DENND5A: variants seen among roughly 807,000 people sequenced by gnomAD.
DENND5A encodes DENN domain-containing protein 5A.
In DENND5A, 64 loss-of-function variants were observed where a neutral mutation model predicts 140.3. The ratio of observed to expected loss-of-function variants is 0.46; its 90% CI spans 0.37 to 0.56. DENND5A has a LOEUF of 0.56. DENND5A is among the 20% of genes least tolerant of loss of function. The pLI is 0.00. For synonymous variants in DENND5A, 605 were observed against 607.7 expected (o/e 1.00, Z 0.07); for missense variants, 1,292 against 1,593.8 (o/e 0.81, Z 3.22).
At position 9,265,166 on chromosome 11, in the gene DENND5A, G is replaced by T; in HGVS notation, c.-97C>A. The stretch of plus-strand genomic sequence containing the variant: ...CCGCCCTCAGGCCGCCCCTCCCGCC[G>T]CCGCCGCTACCGCGGCTCGGGCCGC... On this transcript the variant is annotated 5_prime_UTR_variant, in exon 1 of 23. Transcript: ENST00000328194. The surrounding 1 kb of genome is among the most constrained non-coding windows in gnomAD (Gnocchi z 4.7). The T allele has an allele frequency of 1.6e-6, 1 of 644,230 alleles. No individual in the cohort carries two copies. Among genetic ancestry groups the T allele is most frequent in the Non-Finnish European group, 1.9e-6 (1 of 515,890 alleles). The allele number at this position is 644,230 out of a possible 1,614,324, so 39.9% of individuals were successfully genotyped here.
rs774059113 is a variant in DENND5A at position 9,204,115 on chromosome 11, T to C, written c.494A>G (p.His165Arg). Residue 165 changes from histidine to arginine, a missense_variant, in exon 4 of 23, where the codon CAT (histidine) becomes CGT (arginine). Physicochemically the swap from His to Arg is conservative, Grantham distance 29. Coordinates refer to ENST00000328194, the MANE Select transcript of DENND5A (RefSeq NM_015213.4). The part of the protein sequence containing the change: ...HMHNAEYDVL[H>R]APPADDRDQS... ...GTCTCTGTCATCAGCAGGGGGAGCA[T>C]GTAGGACATCATACTCAGCATTGTG... The C allele has an allele frequency of 1.2e-6, 2 of 1,614,146 alleles. No homozygotes were observed. The highest frequency in any genetic ancestry group is 1.7e-6 in the Non-Finnish European group (2 of 1,179,998).
chr11:9,145,708 T>C lies in DENND5A; in HGVS notation c.2965A>G (p.Met989Val), dbSNP rs1358584298. The change falls in exon 17 of 23, where the codon ATG (methionine) becomes GTG (valine). Residue 989 changes from methionine (M) to valine (V), a missense_variant. By Grantham distance (21) the Met-to-Val change is conservative. Around this residue, in one of 4 missense-constraint regions of DENND5A, gnomAD observed 498 missense variants for 689.7 expected, o/e 0.72. Transcript: ENST00000328194. ...ISGELGETQI[M>V]QIPRNVLEMT... is the part of the protein sequence containing the mutation. The stretch of plus-strand genomic sequence containing the variant: ...TCTAGCACATTCCTGGGAATCTGCA[T>C]GATCTGTGTCTCACCCAATTCTCCT... 3.7e-6 allele frequency: 6 copies of C among 1,614,086 alleles called. No individual in the cohort carries two copies. The highest frequency in any genetic ancestry group is 5.1e-6 in the Non-Finnish European group (6 of 1,180,026).
At chr11:9,144,785 T>C (rs1301721381) in intron 18 of DENND5A, among the ~76,000 whole-genome samples, 2 of 143,620 alleles carry the variant, frequency 1.4e-5, no homozygotes, top group African/African-American at 5.2e-5. Context: ...CAAGACTCCG[T>C]CTCAAAAAAA....
At chr11:9,156,842 AG>A (rs1288545987) in intron 12 of DENND5A, among the ~76,000 whole-genome samples, 1 of 147,012 alleles carries the variant, frequency 6.8e-6, no homozygotes, top group Non-Finnish European at 1.5e-5. Flanking sequence ...GAAGGAGGGA[AG>A]GAGGGACAGA....
chr11:9,196,423 GA>G (rs1438241495), intron 4 of DENND5A, among the ~76,000 whole-genome samples: 2 of 151,984 alleles, frequency 1.3e-5, no homozygotes, highest in Admixed American at 6.6e-5. Flanking sequence ...TGTTCTTTTT[GA>G]AAAGTATATA....
intron 1 of DENND5A, among the ~76,000 whole-genome samples, chr11:9,231,930 T>C (rs1303132881): frequency 2.6e-5 from 4 of 152,126 alleles, no homozygotes; most frequent in African/African-American, 9.7e-5. Context: ...AAAAGCACTG[T>C]ATTGGTCATA....
At chr11:9,147,805 C>T (rs1000298531) in intron 15 of DENND5A, among the ~76,000 whole-genome samples, 2 of 152,166 alleles carry the variant, frequency 1.3e-5, no homozygotes, top group African/African-American at 4.8e-5. Context: ...ACATTCCAGG[C>T]CCTCCGCAGC....
At chr11:9,145,409 G>A in intron 17 of DENND5A, 3 of 582,430 alleles carry the variant, frequency 5.2e-6, no homozygotes, top group Admixed American at 3.0e-5. Context: ...AGAACTCCTG[G>A]GGACTTCTCA....
In DENND5A at chr11:9,203,914, G is replaced by A. The variant is rs750079505; in HGVS notation, c.695C>T (p.Ser232Leu). The change falls in exon 4 of 23, where the codon TCA (serine) becomes TTA (leucine). Residue 232 changes from serine to leucine, a missense_variant. Physicochemically the swap from Ser to Leu is moderately radical, Grantham distance 145. Transcript: ENST00000328194. ...AAGGGGCAGTGGAGGGGGCTGAGGT[G>A]AAGTGACTGCCTGGTGGAGTTGCTC... ...VLEQLHQAVT[S>L]PQPPPLPLES... 1 of 1,614,016 alleles carries A rather than the reference G, an allele frequency of 6.2e-7. No individual in the cohort carries two copies. Among genetic ancestry groups the A allele is most frequent in the East Asian group, 2.2e-5 (1 of 44,896 alleles).
intron 4 of DENND5A, among the ~76,000 whole-genome samples, chr11:9,202,602 CTAAGAGCCATT>C (rs911216336): frequency 2.3e-4 from 35 of 152,252 alleles, no homozygotes; most frequent in African/African-American, 8.4e-4. Context: ...TGATGGCTAT[CTAAGAGCCATT>C]TAAGAGTAAA....
chr11:9,152,962 C>T (rs980021919), intron 12 of DENND5A, among the ~76,000 whole-genome samples: 1 of 149,842 alleles, frequency 6.7e-6, no homozygotes, highest in African/African-American at 2.5e-5. Context: ...CGCACCATTG[C>T]ACTCCAGCCT....
At chr11:9,153,315 A>G (rs1363917040) in intron 12 of DENND5A, among the ~76,000 whole-genome samples, 1 of 133,304 alleles carries the variant, frequency 7.5e-6, no homozygotes, top group African/African-American at 3.0e-5. Flanking sequence ...GCTGCACTCC[A>G]GCCTGGGTGA....
chr11:9,152,584 A>C, intron 12 of DENND5A, 142 bp from the exon 13 acceptor site: 1 of 639,876 alleles, frequency 1.6e-6, no homozygotes, highest in Non-Finnish European at 2.8e-6. Context: ...GTGTATGCAA[A>C]TATATCAATT....
In DENND5A at chr11:9,204,045, C is replaced by T. The variant is rs767011901; in HGVS notation, c.564G>A (p.Leu188=). 5.6e-6 allele frequency: 9 copies of T among 1,614,170 alleles called. No homozygotes were observed. The highest frequency in any genetic ancestry group is 7.6e-6 in the Non-Finnish European group (9 of 1,180,028). Residue 188 remains leucine (L), a synonymous_variant, in exon 4 of 23, where the codon CTG becomes CTA. Transcript: ENST00000328194. ...EDGEDTPVTK[L]QRFNSYDISR... Reference sequence around the variant, plus strand: ...TAATGTCATAGGAGTTGAAGCGCTGCAGTTTGGTCACAGGAGTGTCTTCAC... The same window carrying T: ...TAATGTCATAGGAGTTGAAGCGCTGTAGTTTGGTCACAGGAGTGTCTTCAC...
At chr11:9,201,206 A>C (rs1030095140) in intron 4 of DENND5A, among the ~76,000 whole-genome samples, 22 of 151,940 alleles carry the variant, frequency 1.4e-4, no homozygotes, top group Non-Finnish European at 5.9e-5. Context: ...GCTCTACAAA[A>C]AAAAAAAATT....
intron 12 of DENND5A, among the ~76,000 whole-genome samples, chr11:9,153,614 T>C (rs904935119): frequency 6.6e-6 from 1 of 152,314 alleles, no homozygotes; most frequent in South Asian, 2.1e-4. Flanking sequence ...TGGGGGAAAC[T>C]GTGGTATCTT....
intron 10 of DENND5A, among the ~76,000 whole-genome samples, chr11:9,169,494 C>T (rs1590228000): frequency 9.2e-6 from 1 of 108,536 alleles, no homozygotes; most frequent in African/African-American, 3.3e-5. Flanking sequence ...TATATACACA[C>T]GCACACACAC....
At chr11:9,191,054 A>G (rs960733709) in intron 5 of DENND5A, among the ~76,000 whole-genome samples, 1 of 152,178 alleles carries the variant, frequency 6.6e-6, no homozygotes, top group Non-Finnish European at 1.5e-5. Flanking sequence ...CCACTTATGA[A>G]GCACACACAG....
chr11:9,152,374 T>A lies in DENND5A; in HGVS notation c.2505A>T (p.Gly835=). The change falls in exon 13 of 23, where the codon GGA becomes GGT. Residue 835 remains glycine, a synonymous_variant. Coordinates refer to ENST00000328194, the MANE Select transcript of DENND5A (RefSeq NM_015213.4). ...QDNRQRKLTS[G]SLSTSGILLD... ...CTATCTTACCTGAGGTACTGAGGCT[T>A]CCTGATGTGAGTTTTCTCTGCCGGT... The A allele has an allele frequency of 1.2e-6, 2 of 1,612,828 alleles. No individual in the cohort carries two copies. Among genetic ancestry groups the A allele is most frequent in the Non-Finnish European group, 1.7e-6 (2 of 1,178,792 alleles).
Sources: allele counts gnomAD v4.1 joint callset (sites outside exome capture counted in the v4.1 genomes callset), GRCh38; gene constraint gnomAD v4.1.1; regional missense constraint gnomAD v4.1.1; non-coding constraint Gnocchi (gnomAD v3.1); transcripts MANE v1.5; gene names NCBI Gene and HGNC (gene_info 2026-07-23, HGNC 2026-07-21).